Variants in ADAMTS3 observed in about 807,000 individuals in gnomAD.
ADAMTS3 encodes ADAM metallopeptidase with thrombospondin type 1 motif 3, also known as A disintegrin and metalloproteinase with thrombospondin motifs 3.
Under a neutral mutation model 129.0 loss-of-function variants are expected in ADAMTS3, and 73 were observed. The ratio of observed to expected loss-of-function variants is 0.57; its 90% CI spans 0.47 to 0.69. ADAMTS3 has a LOEUF of 0.69. Ranked by LOEUF, ADAMTS3 falls within the 30% of genes least tolerant of loss-of-function variation. The pLI is 0.00. For missense variants in ADAMTS3, 1,457 were observed against 1,514.5 expected (o/e 0.96, Z 0.63); for synonymous variants, 477 against 510.8 (o/e 0.93, Z 0.89).
At chr4:72,400,830 T>C (rs562885999) in intron 4 of ADAMTS3, among the ~76,000 whole-genome samples, 1 of 151,184 alleles carries the variant, frequency 6.6e-6, no homozygotes, top group African/African-American at 2.4e-5. Flanking sequence ...ATACACATGG[T>C]GTGTATATAT....
intron 19 of ADAMTS3, among the ~76,000 whole-genome samples, chr4:72,294,094 A>G (rs754775414): frequency 1.3e-5 from 2 of 152,128 alleles, no homozygotes; most frequent in African/African-American, 4.8e-5. Flanking sequence ...GAGATAAAAG[A>G]TATACATTTT....
At position 72,281,476 on chromosome 4, in the gene ADAMTS3, C is replaced by T. The variant is rs1185345303; in HGVS notation, c.*1660G>A. ...AAAATCATTATGCTGATATCACTAT[C>T]TCCTCTCATGTACATGTAATTCATG... is the stretch of plus-strand genomic sequence containing the variant. On this transcript the variant is annotated 3_prime_UTR_variant, in exon 22 of 22. Coordinates refer to ENST00000286657, the MANE Select transcript of ADAMTS3 (RefSeq NM_014243.3). 12 of 152,374 alleles carry T rather than the reference C, an allele frequency of 7.9e-5. No individual in the cohort carries two copies. Among genetic ancestry groups the T allele is most frequent in the Non-Finnish European group, 1.8e-4 (12 of 68,020 alleles). The allele number at this position is 152,374 out of a possible 1,614,324, so 9.4% of individuals were successfully genotyped here. A position where few individuals can be genotyped will look rare whatever the true frequency, so the allele number is the denominator to read the frequency against.
chr4:72,425,893 C>T (rs923231078), intron 3 of ADAMTS3, among the ~76,000 whole-genome samples: 14 of 151,596 alleles, frequency 9.2e-5, no homozygotes, highest in Non-Finnish European at 1.9e-4. Context: ...GTTCTAGATC[C>T]CTGAGGAATC....
chr4:72,284,574 A>G (rs1010955775), intron 21 of ADAMTS3, among the ~76,000 whole-genome samples: 2 of 152,176 alleles, frequency 1.3e-5, no homozygotes, highest in African/African-American at 4.8e-5. Flanking sequence ...TGAATAATTC[A>G]TGGTTCTTAC....
intron 5 of ADAMTS3, among the ~76,000 whole-genome samples, chr4:72,336,576 G>C (rs987799322): frequency 6.6e-6 from 1 of 152,124 alleles, no homozygotes; most frequent in Non-Finnish European, 1.5e-5. Context: ...ACAGGGCAGA[G>C]GGTATGGAGG....
chr4:72,489,638 G>A (rs1085944), intron 3 of ADAMTS3, among the ~76,000 whole-genome samples: 135,049 of 151,910 alleles, frequency 0.89, 60,957 homozygotes, highest in East Asian at 1. Context: ...CAATGGCTAC[G>A]GCATTCACCT....
chr4:72,393,806 G>C (rs1326184960), intron 4 of ADAMTS3, among the ~76,000 whole-genome samples: 2 of 152,198 alleles, frequency 1.3e-5, no homozygotes, highest in African/African-American at 2.4e-5. Flanking sequence ...GGCTAGGAAA[G>C]AAGGTTAAGA....
intron 4 of ADAMTS3, among the ~76,000 whole-genome samples, chr4:72,363,527 A>G (rs1031854647): frequency 1.3e-5 from 2 of 152,186 alleles, no homozygotes; most frequent in Non-Finnish European, 2.9e-5. Flanking sequence ...GCAATTTGGC[A>G]ATGTGATTTT....
chr4:72,304,186 T>C, intron 16 of ADAMTS3, 106 bp from the exon 17 acceptor site: 2 of 1,143,828 alleles, frequency 1.7e-6, no homozygotes, highest in Non-Finnish European at 2.5e-6. Context: ...ACCATGTTTC[T>C]TTATTAGTAG....
chr4:72,368,909 A>C (rs1720935789), intron 4 of ADAMTS3, among the ~76,000 whole-genome samples: 1 of 152,218 alleles, frequency 6.6e-6, no homozygotes, highest in East Asian at 1.9e-4. Flanking sequence ...AGACTAAGTA[A>C]CTGAAGCTAA....
chr4:72,529,448 G>A (rs1451479249), intron 3 of ADAMTS3, among the ~76,000 whole-genome samples: 2 of 151,218 alleles, frequency 1.3e-5, no homozygotes, highest in East Asian at 1.9e-4. Context: ...GTGGCCTCTT[G>A]AAGAGAACAG....
intron 3 of ADAMTS3, chr4:72,441,961 G>GC (rs1296228881): frequency 6.6e-6 from 1 of 151,756 alleles, no homozygotes; most frequent in Non-Finnish European, 1.5e-5. Flanking sequence ...GATGACTGCT[G>GC]CAACTCCAGC....
At chr4:72,302,225 A>G (rs184612147) in intron 17 of ADAMTS3, among the ~76,000 whole-genome samples, 1 of 152,198 alleles carries the variant, frequency 6.6e-6, no homozygotes, top group Admixed American at 6.5e-5. Flanking sequence ...AAAATTGACA[A>G]TGTGAAGACC....
chr4:72,504,318 T>C (rs1389056918), intron 3 of ADAMTS3, among the ~76,000 whole-genome samples: 1 of 152,192 alleles, frequency 6.6e-6, no homozygotes, highest in Non-Finnish European at 1.5e-5. Flanking sequence ...TATTTCTCTT[T>C]CATTTATAAA....
chr4:72,452,030 A>G (rs1445465510), intron 3 of ADAMTS3, among the ~76,000 whole-genome samples: 7 of 151,728 alleles, frequency 4.6e-5, no homozygotes, highest in Admixed American at 1.3e-4. Flanking sequence ...TCAAGGCTAC[A>G]ATGAGCTGTG....
intron 3 of ADAMTS3, among the ~76,000 whole-genome samples, chr4:72,486,631 G>A (rs1719598346): frequency 6.6e-6 from 1 of 152,074 alleles, no homozygotes; most frequent in South Asian, 2.1e-4. Context: ...GATAATAAAA[G>A]ATTGAATCAA....
chr4:72,489,655 A>G (rs1380749878), intron 3 of ADAMTS3, among the ~76,000 whole-genome samples: 1 of 151,828 alleles, frequency 6.6e-6, no homozygotes, highest in African/African-American at 2.4e-5. Flanking sequence ...ACCTCACTTC[A>G]TTTCATCACA....
intron 4 of ADAMTS3, among the ~76,000 whole-genome samples, chr4:72,365,202 A>G (rs1720839800): frequency 6.6e-6 from 1 of 152,198 alleles, no homozygotes; most frequent in African/African-American, 2.4e-5. Flanking sequence ...GATCTTATAA[A>G]TGCAGCTATG....
chr4:72,524,361 T>A (rs116189718), intron 3 of ADAMTS3, among the ~76,000 whole-genome samples: 193 of 152,214 alleles, frequency 1.3e-3, no homozygotes, highest in Middle Eastern at 3.4e-3. Context: ...AATACACACA[T>A]GTTGGGAATG....
Sources: gnomAD v4.1 joint callset for allele counts (sites outside exome capture counted in the v4.1 genomes callset) on GRCh38, gnomAD v4.1.1 for gene constraint, MANE v1.5 for transcripts, NCBI Gene and HGNC (gene_info 2026-07-23, HGNC 2026-07-21) for gene names.